The following CCNF variants were observed in gnomAD, a reference collection of about 807,000 sequenced individuals.
CCNF encodes cyclin F, also known as cyclin-F.
A neutral mutation model predicts 85.4 loss-of-function variants in CCNF; 30 were observed. That is an observed-to-expected ratio of 0.35 (90% CI 0.26 to 0.48). The LOEUF is 0.48. Ranked by LOEUF, CCNF falls within the 20% of genes least tolerant of loss-of-function variation. CCNF has a pLI of 0.99. For missense variants in CCNF, 919 were observed against 1,010.4 expected (o/e 0.91, Z 1.23); for synonymous variants, 439 against 425.1 (o/e 1.03, Z -0.40).
rs993235418 is a variant in CCNF, at chr16:2,451,223, C to T, written c.1487+1308C>T. On this transcript the variant is annotated intron_variant, in intron 13 of 16. Coordinates refer to ENST00000397066, the MANE Select transcript of CCNF (RefSeq NM_001761.3). The surrounding 1 kb of genome is among the most constrained non-coding windows in gnomAD (Gnocchi z 4.3). Reference sequence around the variant, plus strand: ...CGTGACGAGAGAAACAGCAGGCAGGCGCGCGGGGCAGGTGGCGCGGGCGGG... The same window carrying T: ...CGTGACGAGAGAAACAGCAGGCAGGTGCGCGGGGCAGGTGGCGCGGGCGGG... 3.3e-5 allele frequency among the ~76,000 whole-genome samples: 5 copies of T among 152,290 alleles called. No individual in the cohort carries two copies. The highest frequency in any genetic ancestry group is 6.5e-5 in the Admixed American group (1 of 15,296).
At chr16:2,446,651 T>A (rs2065363897) in intron 10 of CCNF, among the ~76,000 whole-genome samples, 1 of 152,374 alleles carries the variant, frequency 6.6e-6, no homozygotes, top group East Asian at 1.9e-4. Context: ...AGGATAGGCT[T>A]GGCTGCACAC....
At chr16:2,445,690 C>T in intron 10 of CCNF, 68 bp downstream of exon 10, 1 of 1,394,884 alleles carries the variant, frequency 7.2e-7, no homozygotes, top group Non-Finnish European at 9.8e-7. Context: ...GTCACCTGCC[C>T]TTCATGTGCT....
intron 15 of CCNF, among the ~76,000 whole-genome samples, chr16:2,454,977 T>G (rs2065417478): frequency 6.6e-6 from 1 of 150,968 alleles, no homozygotes; most frequent in African/African-American, 2.4e-5. Context: ...GGAGACTCAC[T>G]TGAACCCGGG....
At position 2,455,563 on chromosome 16, in the gene CCNF, C is replaced by T. The variant is rs761621306; in HGVS notation, c.1884C>T (p.Asp628=). 5.7e-5 allele frequency: 91 copies of T among 1,592,116 alleles called. No homozygotes were observed. The highest frequency in any genetic ancestry group is 2.1e-4 in the South Asian group (19 of 90,156). Reference sequence around the variant, plus strand: ...AGAGTGAGGGCGAGAAGGAGGGCGACGGTGAGTGTGGGGCCAGGGTGCACC... The same window carrying T: ...AGAGTGAGGGCGAGAAGGAGGGCGATGGTGAGTGTGGGGCCAGGGTGCACC... ...DQESEGEKEG[D]VTAPSGILDV... The change falls in exon 16 of 17, where the codon GAC becomes GAT. Residue 628 remains aspartate (D), a splice_region_variant and synonymous_variant. Coordinates refer to ENST00000397066, the MANE Select transcript of CCNF (RefSeq NM_001761.3).
Position 2,437,316 on chromosome 16 carries a change from G to A in CCNF, c.534G>A (p.Leu178=). The A allele has an allele frequency of 6.3e-7, 1 of 1,587,754 alleles. No homozygotes were observed. ...AGAGCCTCAGGGCAGAGTGCCAGCTGCAGAGGGTGAGTCTGGGCGAGGGGC... is the reference window on the plus strand; with the variant it reads ...AGAGCCTCAGGGCAGAGTGCCAGCTACAGAGGGTGAGTCTGGGCGAGGGGC... ...VHESLRAECQ[L]QRTHKASILH... is the part of the protein sequence containing the mutation. The change falls in exon 5 of 17, where the codon CTG becomes CTA. Residue 178 remains leucine, a synonymous_variant. Transcript: ENST00000397066.
chr16:2,444,625 C>T (rs1251786888), intron 9 of CCNF, among the ~76,000 whole-genome samples: 2 of 151,542 alleles, frequency 1.3e-5, no homozygotes, highest in Non-Finnish European at 2.9e-5. Flanking sequence ...GAGACAGGGT[C>T]TGGCTCTGTC....
chr16:2,452,808 G>T lies in CCNF; in HGVS notation c.1488-402G>T. The stretch of plus-strand genomic sequence containing the variant: ...GGCGTCATCGGACAAGTGGCCTTCT[G>T]TGTCTAGGTGATTTCCCTCGCGGTA... On this transcript the variant is annotated intron_variant, in intron 13 of 16. Coordinates refer to ENST00000397066, the MANE Select transcript of CCNF (RefSeq NM_001761.3). The surrounding 1 kb of genome is among the most constrained non-coding windows in gnomAD (Gnocchi z 4.1). The T allele has an allele frequency of 4.4e-6, 1 of 229,756 alleles. No individual in the cohort carries two copies. Among genetic ancestry groups the T allele is most frequent in the South Asian group, 6.1e-5 (1 of 16,442 alleles). The allele number at this position is 229,756 out of a possible 1,614,324, so 14.2% of individuals were successfully genotyped here.
In CCNF at chr16:2,439,798, A is replaced by G; in HGVS notation, c.749A>G (p.Tyr250Cys). ...CACAGCTTCCGAAAACTCAGGGACT[A>G]CGCTGCCAAAGGCTGCTGGGAAGCG... ...CLHSFRKLRD[Y>C]AAKGCWEAQL... is the part of the protein sequence containing the mutation. The change falls in exon 8 of 17, where the codon TAC becomes TGC. Residue 250 changes from tyrosine (Y) to cysteine (C), a missense_variant. By Grantham distance (194) the Tyr-to-Cys change is radical. Around this residue, in one of 3 missense-constraint regions of CCNF, gnomAD observed 410 missense variants for 478.6 expected, o/e 0.86. Transcript: ENST00000397066. The G allele has an allele frequency of 6.2e-7, 1 of 1,614,190 alleles. No individual in the cohort carries two copies. Among genetic ancestry groups the G allele is most frequent in the Non-Finnish European group, 8.5e-7 (1 of 1,180,024 alleles).
At position 2,456,609 on chromosome 16, in the gene CCNF, C is replaced by G; in HGVS notation, c.1950C>G (p.Cys650Trp). The G allele has an allele frequency of 1.2e-6, 2 of 1,602,382 alleles. No individual in the cohort carries two copies. The highest frequency in any genetic ancestry group is 2.2e-5 in the South Asian group (2 of 89,592). Residue 650 changes from cysteine (C) to tryptophan (W), a missense_variant, in exon 17 of 17, where the codon TGC (cysteine) becomes TGG (tryptophan). Cys to Trp is a radical substitution (Grantham distance 215). Transcript: ENST00000397066. The surrounding 1 kb of genome is among the most constrained non-coding windows in gnomAD (Gnocchi z 4.5). ...ACCTGAACCCAGAACAGCATTGCTG[C>G]CAGGAATCCAGTGATGAGGAGGCTT... Reference protein sequence around the residue: ...VVYLNPEQHCCQESSDEEACP... With the variant: ...VVYLNPEQHCWQESSDEEACP...
In CCNF at chr16:2,452,889, C is replaced by T. The variant is rs2065402753; in HGVS notation, c.1488-321C>T. 1 of 361,622 alleles carries T rather than the reference C, an allele frequency of 2.8e-6. No homozygotes were observed. The highest frequency in any genetic ancestry group is 2.1e-5 in the African/African-American group (1 of 48,364). The allele number at this position is 361,622 out of a possible 1,614,324, so 22.4% of individuals were successfully genotyped here. A position where few individuals can be genotyped will look rare whatever the true frequency, so the allele number is the denominator to read the frequency against. On this transcript the variant is annotated intron_variant, in intron 13 of 16. Coordinates refer to ENST00000397066, the MANE Select transcript of CCNF (RefSeq NM_001761.3). This position sits in a 1 kb window ranked among gnomAD's most constrained non-coding sequence, Gnocchi z 4.1. ...GTCCCTGCTTTGTTCTTTTTCATGG[C>T]TGAATAATATTCCCCTGCATGGACC...
chr16:2,452,359 G>A lies in CCNF; in HGVS notation c.1488-851G>A, dbSNP rs2065399698. On this transcript the variant is annotated intron_variant, in intron 13 of 16. Transcript: ENST00000397066. This position sits in a 1 kb window ranked among gnomAD's most constrained non-coding sequence, Gnocchi z 4.1. ...CATGCTGCTTTCTCCTGCAGTGCCC[G>A]GACCCTGTGCCTTCTGGGCAAGGAA... Among the ~76,000 whole-genome samples, 2 of 152,132 alleles carry A rather than the reference G, an allele frequency of 1.3e-5. No individual in the cohort carries two copies. The highest frequency in any genetic ancestry group is 2.1e-4 in the South Asian group (1 of 4,826).
At position 2,445,438 on chromosome 16, in the gene CCNF, A is replaced by G. The variant is rs1195774168; in HGVS notation, c.930-20A>G. 6.2e-7 allele frequency: 1 copy of G among 1,613,518 alleles called. No homozygotes were observed. Among genetic ancestry groups the G allele is most frequent in the Non-Finnish European group, 8.5e-7 (1 of 1,179,738 alleles). On this transcript the variant is annotated intron_variant, in intron 9 of 16. Transcript: ENST00000397066. ...ATGGAGAACGCCCCCACCAGTTCCC[A>G]CGTGCTTCTCTTTCCGCAGGTACAT...
chr16:2,435,584 C>T (rs1202720604), intron 3 of CCNF, among the ~76,000 whole-genome samples: 1 of 58,320 alleles, frequency 1.7e-5, no homozygotes, highest in Non-Finnish European at 2.8e-5. Flanking sequence ...GACCCTGTCT[C>T]AGAGAGAGAG....
At position 2,456,894 on chromosome 16, in the gene CCNF, G is replaced by A. The variant is rs747048126; in HGVS notation, c.2235G>A (p.Lys745=). The A allele has an allele frequency of 9.3e-6, 15 of 1,614,210 alleles. No homozygotes were observed. In the Admixed American group the frequency reaches 2.5e-4, roughly 27 times the overall value. The change falls in exon 17 of 17, where the codon AAG becomes AAA. Residue 745 remains lysine, a synonymous_variant. Transcript: ENST00000397066. The surrounding 1 kb of genome is among the most constrained non-coding windows in gnomAD (Gnocchi z 4.5). ...HTQPCHHQAR[K]SCLQCRPPSP... is the part of the protein sequence containing the mutation. The stretch of plus-strand genomic sequence containing the variant: ...AGCCCTGCCACCATCAGGCCAGGAA[G>A]TCATGTTTACAGTGTCGTCCCCCAA...
rs2065445400 is a variant in CCNF at position 2,458,623 on chromosome 16, CTA to C, written c.*1605_*1606del. On this transcript the variant is annotated 3_prime_UTR_variant, in exon 17 of 17. Transcript: ENST00000397066. ...GCTGCTGCTTTTATGTGTGCTGGTGCTATGTGTGTTCATGTCCGCGGCAGCTG... is the reference window on the plus strand; with the variant it reads ...GCTGCTGCTTTTATGTGTGCTGGTGCTGTGTGTTCATGTCCGCGGCAGCTG... 1 of 152,204 alleles carries C rather than the reference CTA, an allele frequency of 6.6e-6. No homozygotes were observed. The highest frequency in any genetic ancestry group is 2.4e-5 in the African/African-American group (1 of 41,404). The allele number at this position is 152,204 out of a possible 1,614,324, so 9.4% of individuals were successfully genotyped here.
chr16:2,441,227 C>T (rs1194692361), intron 8 of CCNF, among the ~76,000 whole-genome samples: 1 of 149,848 alleles, frequency 6.7e-6, no homozygotes, highest in East Asian at 1.9e-4. Context: ...AGCGATACTC[C>T]ATCTCAAAAA....
rs758745555 is a variant in CCNF, at chr16:2,455,413, C to T, written c.1734C>T (p.Leu578=). 2 of 1,586,764 alleles carry T rather than the reference C, an allele frequency of 1.3e-6. No individual in the cohort carries two copies. The highest frequency in any genetic ancestry group is 1.7e-6 in the Non-Finnish European group (2 of 1,158,644). The change falls in exon 16 of 17, where the codon CTC becomes CTT. Residue 578 remains leucine, a synonymous_variant. Transcript: ENST00000397066. ...CTTGCAGGAAGCGGGAGAACAGCCT[C>T]CAGGAAGACAGAGGCAGCTTCGTTA... ...RRTKRKRENS[L]QEDRGSFVTT... is the part of the protein sequence containing the mutation.
chr16:2,438,623 AGAGT>A (rs1466905392), intron 6 of CCNF, among the ~76,000 whole-genome samples: 1 of 151,206 alleles, frequency 6.6e-6, no homozygotes, highest in African/African-American at 2.4e-5. Context: ...GCCTGGCAAC[AGAGT>A]GAGACTCAGT....
In CCNF at chr16:2,431,184, G is replaced by A. The variant is rs2065260644; in HGVS notation, c.71G>A (p.Arg24Lys). The A allele has an allele frequency of 6.2e-7, 1 of 1,614,086 alleles. No individual in the cohort carries two copies. Among genetic ancestry groups the A allele is most frequent in the Admixed American group, 1.7e-5 (1 of 60,012 alleles). The change falls in exon 2 of 17, where the codon AGG (arginine) becomes AAG (lysine). Residue 24 changes from arginine (R) to lysine (K), a missense_variant. Arg to Lys is a conservative substitution (Grantham distance 26). Transcript: ENST00000397066. ...CFCYPTKRRI[R>K]RRPRNLTILS... ...TGTTATCCTACAAAGCGAAGAATAA[G>A]GAGGAGGCCCCGAAACCTGACCATC...
Sources: gnomAD v4.1 joint callset for allele counts (sites outside exome capture counted in the v4.1 genomes callset) on GRCh38, gnomAD v4.1.1 for gene constraint, gnomAD v4.1.1 regional missense constraint, Gnocchi (gnomAD v3.1) non-coding constraint, MANE v1.5 for transcripts, NCBI Gene and HGNC (gene_info 2026-07-23, HGNC 2026-07-21) for gene names.